The following DLG2 variants were observed in gnomAD, a reference collection of about 807,000 sequenced individuals.
DLG2 encodes discs large MAGUK scaffold protein 2.
In DLG2, 45 loss-of-function variants were observed where a neutral mutation model predicts 132.5. The ratio of observed to expected loss-of-function variants is 0.34; its 90% CI spans 0.27 to 0.44. DLG2 has a LOEUF of 0.44. Ranked by LOEUF, DLG2 falls within the 20% of genes least tolerant of loss-of-function variation. The probability of loss-of-function intolerance (pLI) is 1.00; values close to 1 mark genes in which losing one functional copy is unlikely to be tolerated. For synonymous variants in DLG2, 424 were observed against 419.6 expected (o/e 1.01, Z -0.13); for missense variants, 1,045 against 1,196.9 (o/e 0.87, Z 1.87).
chr11:85,288,451 A>G (rs1424877198), intron 3 of DLG2, among the ~76,000 whole-genome samples: 1 of 152,082 alleles, frequency 6.6e-6, no homozygotes, highest in Non-Finnish European at 1.5e-5. Context: ...TAAAAAAAAG[A>G]TAAAACCCAG....
chr11:84,773,611 G>C (rs2069821556), intron 6 of DLG2, among the ~76,000 whole-genome samples: 1 of 152,116 alleles, frequency 6.6e-6, no homozygotes, highest in Non-Finnish European at 1.5e-5. Flanking sequence ...TGCAAAGTTG[G>C]TTCCACATAT....
At chr11:84,098,182 G>T (rs766676751) in intron 10 of DLG2, among the ~76,000 whole-genome samples, 1 of 152,012 alleles carries the variant, frequency 6.6e-6, no homozygotes, top group Non-Finnish European at 1.5e-5. Context: ...GGGATTACAG[G>T]TACCCACCAC....
intron 6 of DLG2, among the ~76,000 whole-genome samples, chr11:84,965,280 T>C (rs1280281958): frequency 6.6e-6 from 1 of 151,506 alleles, no homozygotes; most frequent in Non-Finnish European, 1.5e-5. Flanking sequence ...TGGGTTTTTG[T>C]GTGTGTGTGT....
chr11:83,866,077 C>T (rs1436941670), intron 16 of DLG2, among the ~76,000 whole-genome samples: 1 of 150,946 alleles, frequency 6.6e-6, no homozygotes, highest in East Asian at 1.9e-4. Flanking sequence ...ACAGTCCCCC[C>T]TTTTTTTTTC....
chr11:84,830,546 A>G (rs1406446756), intron 6 of DLG2, among the ~76,000 whole-genome samples: 1 of 151,588 alleles, frequency 6.6e-6, no homozygotes, highest in Non-Finnish European at 1.5e-5. Flanking sequence ...TAGGCAAAAC[A>G]AAAGCCTTCC....
At chr11:84,337,982 G>T (rs2098495610) in intron 7 of DLG2, among the ~76,000 whole-genome samples, 1 of 152,032 alleles carries the variant, frequency 6.6e-6, no homozygotes, top group South Asian at 2.1e-4. Flanking sequence ...AACAAAAAGA[G>T]AAGTAAACTT....
chr11:84,042,635 A>C (rs1360149272), intron 11 of DLG2, among the ~76,000 whole-genome samples: 1 of 151,806 alleles, frequency 6.6e-6, no homozygotes, highest in Non-Finnish European at 1.5e-5. Context: ...TTTAAGTTCC[A>C]GGGTACATGT....
At chr11:85,473,407 A>G (rs2093046461) in intron 3 of DLG2, among the ~76,000 whole-genome samples, 3 of 152,244 alleles carry the variant, frequency 2.0e-5, no homozygotes, top group Non-Finnish European at 4.4e-5. Flanking sequence ...GGAAATAAAA[A>G]CAGCTTCAAA....
At chr11:84,183,222 ACTTT>A (rs1432952697) in intron 8 of DLG2, among the ~76,000 whole-genome samples, 4 of 152,206 alleles carry the variant, frequency 2.6e-5, no homozygotes, top group Non-Finnish European at 5.9e-5. Flanking sequence ...CACAAAAAAT[ACTTT>A]CTAACTCATA....
At chr11:85,436,288 A>T (rs965989074) in intron 3 of DLG2, among the ~76,000 whole-genome samples, 8 of 152,228 alleles carry the variant, frequency 5.3e-5, no homozygotes, top group African/African-American at 1.9e-4. Flanking sequence ...AACAACTGCA[A>T]CAAAAGCCAA....
intron 11 of DLG2, among the ~76,000 whole-genome samples, chr11:84,002,603 A>C (rs1296433404): frequency 6.6e-6 from 1 of 152,130 alleles, no homozygotes; most frequent in Non-Finnish European, 1.5e-5. Context: ...TCTGAGCTCT[A>C]CGTTGGCCCC....
chr11:85,293,925 T>C (rs1682383), intron 3 of DLG2, among the ~76,000 whole-genome samples: 125,366 of 152,088 alleles, frequency 0.82, 52,068 homozygotes, highest in Middle Eastern at 0.89. Context: ...AATGAGTGAA[T>C]GGCATCAGGC....
intron 3 of DLG2, among the ~76,000 whole-genome samples, chr11:85,427,955 A>G (rs2090891236): frequency 1.3e-5 from 2 of 152,204 alleles, no homozygotes; most frequent in Non-Finnish European, 2.9e-5. Context: ...ATGGAAAACA[A>G]AAAAAGGCAG....
At chr11:85,385,191 G>T (rs1046969090) in intron 3 of DLG2, among the ~76,000 whole-genome samples, 1 of 152,132 alleles carries the variant, frequency 6.6e-6, no homozygotes, top group Non-Finnish European at 1.5e-5. Flanking sequence ...ATAAATGAAT[G>T]TATCTGAGTC....
At chr11:85,024,341 A>C (rs1180623981) in intron 6 of DLG2, among the ~76,000 whole-genome samples, 1 of 152,188 alleles carries the variant, frequency 6.6e-6, no homozygotes, top group Admixed American at 6.5e-5. Context: ...TAAACATGAC[A>C]ACCTTTGTTA....
intron 3 of DLG2, among the ~76,000 whole-genome samples, chr11:85,518,371 G>C (rs77872532): frequency 1.3e-5 from 2 of 152,250 alleles, no homozygotes; most frequent in South Asian, 4.1e-4. Flanking sequence ...TTGGGAACTG[G>C]AGCAAAGGTG....
intron 6 of DLG2, among the ~76,000 whole-genome samples, chr11:84,724,711 A>T (rs1336777131): frequency 1.3e-5 from 2 of 152,312 alleles, no homozygotes; most frequent in Non-Finnish European, 2.9e-5. Flanking sequence ...AGGTAACAAA[A>T]TTGGTATACT....
intron 7 of DLG2, among the ~76,000 whole-genome samples, chr11:84,290,026 T>G (rs2097966679): frequency 6.6e-6 from 1 of 152,156 alleles, no homozygotes; most frequent in Non-Finnish European, 1.5e-5. Flanking sequence ...CATTCTGGTA[T>G]TACCCAATGT....
intron 8 of DLG2, among the ~76,000 whole-genome samples, chr11:84,181,182 T>G (rs1157997597): frequency 6.6e-6 from 1 of 151,742 alleles, no homozygotes; most frequent in Admixed American, 6.6e-5. Flanking sequence ...TGATTATATA[T>G]AAGTGAAATG....
Sources: allele counts gnomAD v4.1 joint callset (sites outside exome capture counted in the v4.1 genomes callset), GRCh38; gene constraint gnomAD v4.1.1; transcripts MANE v1.5; gene names NCBI Gene and HGNC (gene_info 2026-07-23, HGNC 2026-07-21).